The following LEPROTL1 variants were observed in gnomAD, a reference collection of about 807,000 sequenced individuals.
LEPROTL1 encodes leptin receptor overlapping transcript-like 1.
In LEPROTL1, 6 loss-of-function variants were observed where a neutral mutation model predicts 15.4. The ratio of observed to expected loss-of-function variants is 0.39; its 90% CI spans 0.21 to 0.77. The LOEUF is 0.77. LEPROTL1 is among the 30% of genes least tolerant of loss of function. LEPROTL1 has a pLI of 0.41. For synonymous variants in LEPROTL1, 56 were observed against 52.6 expected, an observed-to-expected ratio of 1.06 and a Z score of -0.28; for missense variants, 128 against 158.1, an observed-to-expected ratio of 0.81 and a Z score of 1.02.
intron 3 of LEPROTL1, chr8:30,117,867 A>G: frequency 1.7e-6 from 1 of 598,562 alleles, no homozygotes; most frequent in East Asian, 2.7e-5. Flanking sequence ...CAGAAGATTG[A>G]TTAAATCAAC....
intron 3 of LEPROTL1, among the ~76,000 whole-genome samples, chr8:30,115,392 G>T (rs1002587827): frequency 1.1e-4 from 16 of 151,320 alleles, no homozygotes; most frequent in African/African-American, 3.9e-4. Context: ...CCCCAGATAT[G>T]ATGTACTGAA....
downstream of LEPROTL1, among the ~76,000 whole-genome samples, chr8:30,113,132 C>T (rs1256131213): frequency 3.3e-5 from 5 of 149,816 alleles, no homozygotes; most frequent in African/African-American, 9.9e-5. Context: ...AAAAATTAGC[C>T]GGGTGTGGTG....
chr8:30,104,158 G>C, intron 2 of LEPROTL1, 142 bp from the exon 3 acceptor site: 1 of 446,596 alleles, frequency 2.2e-6, no homozygotes, highest in Non-Finnish European at 4.0e-6. Flanking sequence ...GGGAAGTTTA[G>C]GGTTGTTTCA....
At chr8:30,104,693 C>A in intron 3 of LEPROTL1, 1 of 388,992 alleles carries the variant, frequency 2.6e-6, no homozygotes, top group Non-Finnish European at 4.5e-6. Context: ...CAGCTGTTGG[C>A]TTGCTAATAC....
At chr8:30,111,204 C>G (rs1057365564), downstream of LEPROTL1, among the ~76,000 whole-genome samples, 1 of 152,124 alleles carries the variant, frequency 6.6e-6, no homozygotes, top group African/African-American at 2.4e-5. Flanking sequence ...AGAATTGGCT[C>G]TAAACATTAA....
intron 1 of LEPROTL1, among the ~76,000 whole-genome samples, chr8:30,098,243 C>G (rs548783143): frequency 6.6e-6 from 1 of 152,104 alleles, no homozygotes; most frequent in East Asian, 1.9e-4. Context: ...ATAGTGATTA[C>G]TTTTGATAAG....
chr8:30,097,334 A>G (rs62499793), intron 1 of LEPROTL1, among the ~76,000 whole-genome samples: 4 of 15,144 alleles, frequency 2.6e-4, no homozygotes, highest in East Asian at 4.2e-3. Context: ...GTATGACTGG[A>G]AGATGAGATG....
chr8:30,126,511 G>A (rs1802909748), intron 3 of LEPROTL1, among the ~76,000 whole-genome samples: 1 of 152,184 alleles, frequency 6.6e-6, no homozygotes, highest in Non-Finnish European at 1.5e-5. Flanking sequence ...TCAACAGACT[G>A]AATGTGTATC....
chr8:30,127,685 T>TAC (rs71206231), intron 3 of LEPROTL1, among the ~76,000 whole-genome samples: 1,502 of 135,150 alleles, frequency 0.011, 53 homozygotes, highest in African/African-American at 0.04. Flanking sequence ...AAAAAAAAAA[T>TAC]ACACACACAC....
chr8:30,134,035 A>G (rs1035057560), intron 4 of LEPROTL1, among the ~76,000 whole-genome samples: 1 of 152,222 alleles, frequency 6.6e-6, no homozygotes, highest in Admixed American at 6.5e-5. Context: ...CTTCCTGCCC[A>G]ACCACAGACT....
intron 3 of LEPROTL1, chr8:30,132,191 T>G: frequency 6.4e-7 from 1 of 1,551,810 alleles, no homozygotes; most frequent in Non-Finnish European, 8.7e-7. Context: ...GCTTCCACCA[T>G]CACGGCCCAG....
At chr8:30,138,062 C>G (rs1028975174), downstream of LEPROTL1, 1 of 172,800 alleles carries the variant, frequency 5.8e-6, no homozygotes, top group African/African-American at 2.4e-5. Context: ...TTCTGACTCC[C>G]TATGATTTCA....
At chr8:30,104,624 AT>A (rs1802529883) in intron 3 of LEPROTL1, 138 bp downstream of exon 3, 3 of 476,660 alleles carry the variant, frequency 6.3e-6, no homozygotes, top group African/African-American at 2.0e-5. Flanking sequence ...ATCTCACTTT[AT>A]TGTTTGTTCT....
intron 1 of LEPROTL1, chr8:30,096,018 C>T (rs1802358332): frequency 3.3e-6 from 2 of 601,482 alleles, no homozygotes; most frequent in South Asian, 3.7e-5. Context: ...AACCTCGACC[C>T]CACGTCCACC....
Position 30,106,245 on chromosome 8 carries a change from G to A in LEPROTL1, c.*383G>A, listed in dbSNP as rs1802565611. 2 of 985,988 alleles carry A rather than the reference G, an allele frequency of 2.0e-6. No individual in the cohort carries two copies. Among genetic ancestry groups the A allele is most frequent in the Non-Finnish European group, 1.2e-6 (1 of 830,148 alleles). 61.1% of individuals were successfully genotyped at this position (985,988 alleles called of 1,614,324 possible). On this transcript the variant is annotated 3_prime_UTR_variant, in exon 4 of 4. Transcript: ENST00000321250. ...TCAGAATTCCGCCGGCTCTATTACT[G>A]GTCAAGTACATCTTTTCTCTTAAAA...
At chr8:30,114,000 AT>A (rs1173817397) in intron 3 of LEPROTL1, among the ~76,000 whole-genome samples, 3 of 152,270 alleles carry the variant, frequency 2.0e-5, no homozygotes, top group African/African-American at 7.2e-5. Context: ...GTTAGAGAAC[AT>A]TTTACATTTT....
At chr8:30,120,703 G>T (rs557917930) in intron 3 of LEPROTL1, among the ~76,000 whole-genome samples, 7 of 151,928 alleles carry the variant, frequency 4.6e-5, no homozygotes, top group African/African-American at 7.3e-5. Flanking sequence ...GCTAATTTTC[G>T]TATTTCTTTT....
At chr8:30,117,330 T>C in intron 3 of LEPROTL1, 1 of 870,968 alleles carries the variant, frequency 1.1e-6, no homozygotes, top group Admixed American at 2.2e-5. Context: ...TCTTTTTTTT[T>C]TTTTTAATTG....
chr8:30,104,483 T>G lies in LEPROTL1; in HGVS notation c.276T>G (p.His92Gln). 1 of 1,584,332 alleles carries G rather than the reference T, an allele frequency of 6.3e-7. No individual in the cohort carries two copies. The highest frequency in any genetic ancestry group is 8.6e-7 in the Non-Finnish European group (1 of 1,165,100). ...FGLPIVFARA[H>Q]LIEWGACALV... is the part of the protein sequence containing the mutation. Reference sequence around the variant, plus strand: ...TCCCTATTGTATTTGCCAGAGCACATCTGGTAAGTGAATATATTCTTCCAT... The same window carrying G: ...TCCCTATTGTATTTGCCAGAGCACAGCTGGTAAGTGAATATATTCTTCCAT... Residue 92 changes from histidine (H) to glutamine (Q), a missense_variant, in exon 3 of 4, where the codon CAT becomes CAG. His to Gln is a conservative substitution (Grantham distance 24). Transcript: ENST00000321250.
Sources: gnomAD v4.1 joint callset for allele counts (sites outside exome capture counted in the v4.1 genomes callset) on GRCh38, gnomAD v4.1.1 for gene constraint, MANE v1.5 for transcripts, NCBI Gene and HGNC (gene_info 2026-07-23, HGNC 2026-07-21) for gene names.